Variants in RAPGEF4 observed in about 807,000 individuals in gnomAD.
RAPGEF4 encodes the protein Rap guanine nucleotide exchange factor 4.
A neutral mutation model predicts 147.9 loss-of-function variants in RAPGEF4; 66 were observed. The ratio of observed to expected loss-of-function variants is 0.45; its 90% CI spans 0.37 to 0.55. The LOEUF (loss-of-function observed/expected upper bound fraction) is 0.55, where lower values mean the gene tolerates loss of function less well. RAPGEF4 is among the 20% of genes least tolerant of loss of function. The pLI, the probability that RAPGEF4 is intolerant of heterozygous loss-of-function variation, is 0.00. For synonymous variants in RAPGEF4, 419 were observed against 442.7 expected, an observed-to-expected ratio of 0.95 and a Z score of 0.67; for missense variants, 1,071 against 1,257.3, an observed-to-expected ratio of 0.85 and a Z score of 2.24.
At chr2:172,797,005 G>T (rs2149551245) in intron 2 of RAPGEF4, among the ~76,000 whole-genome samples, 1 of 152,268 alleles carries the variant, frequency 6.6e-6, no homozygotes, top group South Asian at 2.1e-4. Flanking sequence ...CTTAGAGCAA[G>T]ATCAGGTTCA....
chr2:172,876,308 G>C (rs1386246428), intron 4 of RAPGEF4, among the ~76,000 whole-genome samples: 1 of 152,082 alleles, frequency 6.6e-6, no homozygotes, highest in East Asian at 1.9e-4. Context: ...GGTGAGAGAG[G>C]TCATCCCTGT....
chr2:172,787,100 T>C (rs1685285975), intron 1 of RAPGEF4, among the ~76,000 whole-genome samples: 1 of 151,948 alleles, frequency 6.6e-6, no homozygotes, highest in South Asian at 2.1e-4. Context: ...TAATCCCAGC[T>C]ACTTGGGAGG....
chr2:172,814,560 T>A, intron 4 of RAPGEF4, 135 bp downstream of exon 4: 9 of 1,163,066 alleles, frequency 7.7e-6, no homozygotes, highest in Non-Finnish European at 1.1e-5. Context: ...TTTTCAAAAC[T>A]TGTTTTTGAA....
intron 4 of RAPGEF4, among the ~76,000 whole-genome samples, chr2:172,887,531 T>A (rs1338936374): frequency 6.6e-6 from 1 of 152,208 alleles, no homozygotes; most frequent in Admixed American, 6.5e-5. Flanking sequence ...GTAAATAAAC[T>A]TTTATTGGAA....
chr2:172,888,575 A>G (rs1575142614), intron 4 of RAPGEF4, among the ~76,000 whole-genome samples: 1 of 152,224 alleles, frequency 6.6e-6, no homozygotes, highest in Non-Finnish European at 1.5e-5. Context: ...TGGACCAATA[A>G]GTTGATTTTC....
chr2:172,797,763 T>G, intron 3 of RAPGEF4, 150 bp downstream of exon 3: 1 of 611,350 alleles, frequency 1.6e-6, no homozygotes, highest in South Asian at 2.5e-5. Context: ...ATTCCTTTAT[T>G]AAGTTACTCA....
At chr2:172,985,635 G>A (rs1476823532) in intron 12 of RAPGEF4, 142 bp downstream of exon 12, 58 of 1,445,912 alleles carry the variant, frequency 4.0e-5, no homozygotes, top group Middle Eastern at 2.3e-4. Flanking sequence ...TGGTACTTTC[G>A]TTTTTCTGGA....
rs138548364 is a variant in RAPGEF4 at position 172,775,638 on chromosome 2, C to CT, written c.66-19380dup. 9.7e-3 allele frequency among the ~76,000 whole-genome samples: 1,479 copies of CT among 152,150 alleles called. 29 individuals carry two copies. Among genetic ancestry groups the CT allele is most frequent in the African/African-American group, 0.034 (1,396 of 41,494 alleles). The stretch of plus-strand genomic sequence containing the variant: ...AAAGAATGAAATTCAAGGCATCTGG[C>CT]TTTTTTTGGCATTTGTAGTTTTGGA... On this transcript the variant is annotated intron_variant, in intron 1 of 30. Coordinates refer to ENST00000397081, the MANE Select transcript of RAPGEF4 (RefSeq NM_007023.4).
chr2:172,825,517 T>C (rs2149648094), intron 4 of RAPGEF4, among the ~76,000 whole-genome samples: 1 of 152,152 alleles, frequency 6.6e-6, no homozygotes, highest in East Asian at 1.9e-4. Flanking sequence ...TTATTATCTC[T>C]TTTTTTTACT....
At chr2:172,935,936 T>C (rs1024620258) in intron 6 of RAPGEF4, among the ~76,000 whole-genome samples, 1 of 152,180 alleles carries the variant, frequency 6.6e-6, no homozygotes, top group Non-Finnish European at 1.5e-5. Flanking sequence ...TTCAGATAAG[T>C]CATTGATATT....
At chr2:172,759,569 A>G (rs1357696888) in intron 1 of RAPGEF4, among the ~76,000 whole-genome samples, 1 of 152,246 alleles carries the variant, frequency 6.6e-6, no homozygotes, top group East Asian at 1.9e-4. Context: ...GAAACTCAGA[A>G]GTGATATTAT....
intron 10 of RAPGEF4, among the ~76,000 whole-genome samples, chr2:172,970,196 T>TC (rs1443040283): frequency 3.3e-5 from 5 of 151,838 alleles, no homozygotes; most frequent in Non-Finnish European, 7.4e-5. Flanking sequence ...TTTTTTTTTT[T>TC]TGATCTGCTA....
chr2:173,005,520 G>GGTTTTT (rs1553546840), intron 17 of RAPGEF4, among the ~76,000 whole-genome samples: 3 of 86,736 alleles, frequency 3.5e-5, no homozygotes, highest in Non-Finnish European at 6.3e-5. Flanking sequence ...GTTGTTTTGT[G>GGTTTTT]TTTTTTTTTT....
chr2:173,036,522 T>C, intron 28 of RAPGEF4, 106 bp from the exon 29 acceptor site: 4 of 885,316 alleles, frequency 4.5e-6, no homozygotes, highest in Non-Finnish European at 7.1e-6. Context: ...TTTTTTCAAC[T>C]GTAGTGTTAT....
chr2:172,778,596 T>A (rs1448180463), intron 1 of RAPGEF4, among the ~76,000 whole-genome samples: 2 of 152,224 alleles, frequency 1.3e-5, no homozygotes, highest in Admixed American at 6.5e-5. Flanking sequence ...AATTTGGGCC[T>A]AGTTTAAGGG....
At chr2:172,851,198 T>C (rs1008335176) in intron 4 of RAPGEF4, among the ~76,000 whole-genome samples, 1 of 152,238 alleles carries the variant, frequency 6.6e-6, no homozygotes, top group Non-Finnish European at 1.5e-5. Flanking sequence ...TTTCATTGTT[T>C]ACTCAAAACT....
At chr2:172,847,534 C>T (rs184881196) in intron 4 of RAPGEF4, among the ~76,000 whole-genome samples, 159 of 152,264 alleles carry the variant, frequency 1.0e-3, no homozygotes, top group Non-Finnish European at 9.4e-4. Context: ...GGACAGGACG[C>T]ATCGTGTGTA....
chr2:173,021,609 A>C (rs1336239297), intron 23 of RAPGEF4, among the ~76,000 whole-genome samples: 1 of 152,158 alleles, frequency 6.6e-6, no homozygotes, highest in African/African-American at 2.4e-5. Context: ...AAAGAAAAGA[A>C]AGGCACAAGA....
At chr2:173,038,937 A>T (rs1559204550) in intron 29 of RAPGEF4, among the ~76,000 whole-genome samples, 1 of 152,160 alleles carries the variant, frequency 6.6e-6, no homozygotes, top group Non-Finnish European at 1.5e-5. Context: ...CATTCAGTGG[A>T]TACTAGGAGA....
Sources: allele counts gnomAD v4.1 joint callset (sites outside exome capture counted in the v4.1 genomes callset), GRCh38; gene constraint gnomAD v4.1.1; transcripts MANE v1.5; gene names NCBI Gene and HGNC (gene_info 2026-07-23, HGNC 2026-07-21).